Variants in TLK1 observed in about 807,000 individuals in gnomAD.
TLK1 encodes tousled like kinase 1.
A neutral mutation model predicts 105.3 loss-of-function variants in TLK1; 24 were observed. The observed-to-expected ratio is 0.23, with a 90% CI of 0.17 to 0.32. The LOEUF is 0.32. Among genes scored for constraint, TLK1 ranks in the 10% least tolerant of loss-of-function variants. TLK1 has a pLI of 1.00. For synonymous variants in TLK1, 321 were observed against 310.4 expected (o/e 1.03, Z -0.36); for missense variants, 558 against 910.5 (o/e 0.61, Z 4.98).
At chr2:171,057,128 T>C (rs560470690) in intron 5 of TLK1, among the ~76,000 whole-genome samples, 169 of 152,200 alleles carry the variant, frequency 1.1e-3, no homozygotes, top group African/African-American at 3.8e-3. Flanking sequence ...CTTAGCTGCA[T>C]ATGAAGAGAA....
chr2:171,030,105 T>C (rs937099087), intron 11 of TLK1, among the ~76,000 whole-genome samples: 1 of 152,212 alleles, frequency 6.6e-6, no homozygotes, highest in Non-Finnish European at 1.5e-5. Flanking sequence ...TGTTTGTTAA[T>C]TTACTTATGT....
rs1277451943 is a variant in TLK1, at chr2:170,993,458, G to A, written c.*322C>T. 6 of 201,232 alleles carry A rather than the reference G, an allele frequency of 3.0e-5. No homozygotes were observed. The East Asian group carries it at 5.8e-4, about 19-fold the overall frequency. The allele number at this position is 201,232 out of a possible 1,614,324, so 12.5% of individuals were successfully genotyped here. ...CCAAATGTATTTAAGTATTATAAAC[G>A]TTATTTACAGTGTTCCCCCAAATAA... is the stretch of plus-strand genomic sequence containing the variant. On this transcript the variant is annotated 3_prime_UTR_variant, in exon 21 of 21. Transcript: ENST00000431350.
At chr2:171,134,245 G>A (rs1233925313) in intron 1 of TLK1, among the ~76,000 whole-genome samples, 2 of 151,990 alleles carry the variant, frequency 1.3e-5, no homozygotes, top group African/African-American at 4.8e-5. Context: ...TGCTGTTCAT[G>A]TACTTTAAAA....
intron 3 of TLK1, among the ~76,000 whole-genome samples, chr2:171,066,460 G>T (rs1409222416): frequency 6.6e-6 from 1 of 152,150 alleles, no homozygotes; most frequent in African/African-American, 2.4e-5. Flanking sequence ...CTTAAAGTAT[G>T]CCACCTCATA....
intron 17 of TLK1, 49 bp from the exon 18 acceptor site, chr2:171,006,331 T>C: frequency 6.7e-7 from 1 of 1,502,228 alleles, no homozygotes; most frequent in South Asian, 1.4e-5. Context: ...ATGAAAAACA[T>C]AACTTTAATA....
At chr2:171,095,768 T>C (rs1387272517) in intron 2 of TLK1, among the ~76,000 whole-genome samples, 1 of 152,032 alleles carries the variant, frequency 6.6e-6, no homozygotes, top group Non-Finnish European at 1.5e-5. Context: ...AAAATGCATC[T>C]GACAAAATTC....
At chr2:171,194,922 AG>A (rs1161213343) in intron 1 of TLK1, among the ~76,000 whole-genome samples, 2 of 152,130 alleles carry the variant, frequency 1.3e-5, no homozygotes, top group Admixed American at 1.3e-4. Context: ...TTGAAACACA[AG>A]GTTCTTGGCA....
chr2:171,086,966 A>AAG (rs1026912620), intron 2 of TLK1, among the ~76,000 whole-genome samples: 1 of 152,186 alleles, frequency 6.6e-6, no homozygotes, highest in African/African-American at 2.4e-5. Context: ...CAGCCTAGAT[A>AAG]AGACTAAAAC....
At chr2:171,051,881 G>A (rs1044343396) in intron 8 of TLK1, among the ~76,000 whole-genome samples, 1 of 152,098 alleles carries the variant, frequency 6.6e-6, no homozygotes, top group African/African-American at 2.4e-5. Context: ...TAATTAAATG[G>A]GGATGAACAA....
intron 20 of TLK1, chr2:170,994,625 C>G (rs1683964638): frequency 3.9e-6 from 2 of 506,952 alleles, no homozygotes; most frequent in Non-Finnish European, 7.8e-6. Flanking sequence ...GTAAATACAT[C>G]TATGTAACTG....
chr2:171,194,672 C>T (rs1384328956), intron 1 of TLK1, among the ~76,000 whole-genome samples: 1 of 151,034 alleles, frequency 6.6e-6, no homozygotes, highest in African/African-American at 2.5e-5. Flanking sequence ...AAAAAATTAG[C>T]CGGGCGTGGT....
chr2:171,078,203 T>C (rs1236306912), intron 3 of TLK1, among the ~76,000 whole-genome samples: 1 of 152,178 alleles, frequency 6.6e-6, no homozygotes, highest in Non-Finnish European at 1.5e-5. Flanking sequence ...TTCTTTATGC[T>C]AATTCCAAGT....
chr2:170,993,761 T>C lies in TLK1; in HGVS notation c.*19A>G, dbSNP rs1683909657. Reference sequence around the variant, plus strand: ...TCTGGAAGCAAATTCAAAGATATCATGCCAATCTTGGAGGAAAGTCAGTAA... The same window carrying C: ...TCTGGAAGCAAATTCAAAGATATCACGCCAATCTTGGAGGAAAGTCAGTAA... On this transcript the variant is annotated 3_prime_UTR_variant, in exon 21 of 21. Coordinates refer to ENST00000431350, the MANE Select transcript of TLK1 (RefSeq NM_012290.5). 5 of 1,535,548 alleles carry C rather than the reference T, an allele frequency of 3.3e-6. No individual in the cohort carries two copies. The highest frequency in any genetic ancestry group is 4.4e-6 in the Non-Finnish European group (5 of 1,138,408).
intron 1 of TLK1, among the ~76,000 whole-genome samples, chr2:171,120,066 T>A (rs1213703580): frequency 6.6e-6 from 1 of 151,456 alleles, no homozygotes; most frequent in Admixed American, 6.6e-5. Flanking sequence ...GGCCAACATC[T>A]CTACTAAACG....
Position 171,117,728 on chromosome 2 carries a change from A to C in TLK1, c.258+11T>G. On this transcript the variant is annotated intron_variant, in intron 2 of 20. Transcript: ENST00000431350. ...GAAAGACTGTCAAATAAAGATGAGAATTTTGCTCACTTTAGCTCCAACACT... is the reference window on the plus strand; with the variant it reads ...GAAAGACTGTCAAATAAAGATGAGACTTTTGCTCACTTTAGCTCCAACACT... 6.3e-7 allele frequency: 1 copy of C among 1,598,220 alleles called. No homozygotes were observed. Among genetic ancestry groups the C allele is most frequent in the South Asian group, 1.1e-5 (1 of 89,174 alleles).
chr2:171,227,789 G>A (rs13413830), intron 1 of TLK1, among the ~76,000 whole-genome samples: 11,610 of 151,822 alleles, frequency 0.076, 868 homozygotes, highest in East Asian at 0.25. Context: ...TTCCCAAAGA[G>A]TCTGAAAGCG....
chr2:171,019,540 TTTAAAG>T (rs567257187), intron 12 of TLK1, among the ~76,000 whole-genome samples: 2 of 152,310 alleles, frequency 1.3e-5, no homozygotes, highest in South Asian at 4.1e-4. Flanking sequence ...AACTTGCTAG[TTTAAAG>T]TTATTTAGCA....
At chr2:171,078,624 T>G (rs1012401913) in intron 3 of TLK1, among the ~76,000 whole-genome samples, 6 of 152,138 alleles carry the variant, frequency 3.9e-5, no homozygotes, top group Non-Finnish European at 7.3e-5. Flanking sequence ...AAACATTAAG[T>G]GATTCATTCG....
chr2:171,187,457 T>C (rs1219938112), intron 1 of TLK1, among the ~76,000 whole-genome samples: 2 of 152,232 alleles, frequency 1.3e-5, no homozygotes, highest in African/African-American at 4.8e-5. Flanking sequence ...TAAAAGTCTA[T>C]GACAGTTTCA....
Sources: gnomAD v4.1 joint callset for allele counts (sites outside exome capture counted in the v4.1 genomes callset) on GRCh38, gnomAD v4.1.1 for gene constraint, MANE v1.5 for transcripts, NCBI Gene and HGNC (gene_info 2026-07-23, HGNC 2026-07-21) for gene names.